CDKAL1: variants seen among roughly 807,000 people sequenced by gnomAD.
CDKAL1 encodes threonylcarbamoyladenosine tRNA methylthiotransferase.
CDKAL1 carries 32 observed loss-of-function variants against 68.2 expected under a neutral mutation model. The ratio of observed to expected loss-of-function variants is 0.47; its 90% CI spans 0.35 to 0.63. The LOEUF (loss-of-function observed/expected upper bound fraction) is 0.63. Ranked by LOEUF, CDKAL1 falls within the 30% of genes least tolerant of loss-of-function variation. The pLI, the probability that CDKAL1 is intolerant of heterozygous loss-of-function variation, is 0.00. For synonymous variants in CDKAL1, 234 were observed against 244.3 expected (o/e 0.96, Z 0.39); for missense variants, 606 against 696.7 (o/e 0.87, Z 1.47).
intron 6 of CDKAL1, among the ~76,000 whole-genome samples, chr6:20,741,651 T>C (rs1479422230): frequency 7.1e-6 from 1 of 141,782 alleles, no homozygotes; most frequent in Non-Finnish European, 1.7e-5. Context: ...GCTCTTGTTT[T>C]TGTTTTTTTA....
At chr6:20,774,068 AG>A (rs1775065632) in intron 7 of CDKAL1, among the ~76,000 whole-genome samples, 1 of 152,136 alleles carries the variant, frequency 6.6e-6, no homozygotes, top group African/African-American at 2.4e-5. Flanking sequence ...AAAACCAACA[AG>A]CCTTGGCATG....
At chr6:21,110,645 CA>C (rs1321327856) in intron 13 of CDKAL1, among the ~76,000 whole-genome samples, 1 of 152,100 alleles carries the variant, frequency 6.6e-6, no homozygotes, top group Non-Finnish European at 1.5e-5. Flanking sequence ...TTATGAAATA[CA>C]ACATCAGTTG....
intron 4 of CDKAL1, among the ~76,000 whole-genome samples, chr6:20,552,128 G>A (rs1386987688): frequency 6.6e-5 from 10 of 151,690 alleles, no homozygotes; most frequent in East Asian, 3.9e-4. Flanking sequence ...TGGGAGGGTC[G>A]CTTGAGCCCA....
chr6:20,982,541 G>A (rs887899358), intron 10 of CDKAL1, among the ~76,000 whole-genome samples: 6 of 151,270 alleles, frequency 4.0e-5, no homozygotes, highest in African/African-American at 4.9e-5. Context: ...GCACTGCAAA[G>A]CCTGCTCTTA....
At chr6:20,662,524 G>T (rs909898886) in intron 5 of CDKAL1, among the ~76,000 whole-genome samples, 1 of 152,086 alleles carries the variant, frequency 6.6e-6, no homozygotes, top group African/African-American at 2.4e-5. Flanking sequence ...TGGCACTTTT[G>T]TGGGTGTTAG....
chr6:20,755,864 G>T (rs898958574), intron 6 of CDKAL1, among the ~76,000 whole-genome samples: 5 of 152,134 alleles, frequency 3.3e-5, no homozygotes, highest in African/African-American at 1.2e-4. Context: ...GTCTCTTGTT[G>T]TCTGTAATAG....
intron 10 of CDKAL1, among the ~76,000 whole-genome samples, chr6:20,986,135 G>A (rs1198617178): frequency 6.6e-6 from 1 of 152,084 alleles, no homozygotes; most frequent in African/African-American, 2.4e-5. Context: ...TGATCCCCTT[G>A]AGTCTAAGTG....
At chr6:20,651,883 G>A (rs747620201) in intron 5 of CDKAL1, among the ~76,000 whole-genome samples, 6 of 152,278 alleles carry the variant, frequency 3.9e-5, no homozygotes, top group South Asian at 2.1e-4. Context: ...AACCAGCCTC[G>A]CATCCAGGGA....
chr6:21,195,521 A>ATTTG (rs2151102487), intron 13 of CDKAL1, among the ~76,000 whole-genome samples: 1 of 133,806 alleles, frequency 7.5e-6, no homozygotes, highest in African/African-American at 2.7e-5. Context: ...TTATTTATTT[A>ATTTG]TTTATTTGAG....
At chr6:21,026,475 C>T (rs1335242413) in intron 11 of CDKAL1, among the ~76,000 whole-genome samples, 1 of 152,148 alleles carries the variant, frequency 6.6e-6, no homozygotes, top group East Asian at 1.9e-4. Context: ...TAAAGAAACT[C>T]TGAGGTTCAC....
At position 21,052,109 on chromosome 6, in the gene CDKAL1, T is replaced by A. The variant is rs189109188; in HGVS notation, c.1056-12939T>A. On this transcript the variant is annotated intron_variant, in intron 11 of 15. Transcript: ENST00000274695. The stretch of plus-strand genomic sequence containing the variant: ...TAGAGCAGTTAATTTAAGAAATTTT[T>A]AATAAAACTATGAGAATAAATTTAG... 1.5e-4 allele frequency among the ~76,000 whole-genome samples: 23 copies of A among 152,354 alleles called. 1 individual carries two copies. Among genetic ancestry groups the A allele is most frequent in the African/African-American group, 5.5e-4 (23 of 41,582 alleles).
At chr6:20,601,913 G>T (rs1044859402) in intron 4 of CDKAL1, among the ~76,000 whole-genome samples, 3 of 151,994 alleles carry the variant, frequency 2.0e-5, no homozygotes, top group African/African-American at 7.3e-5. Context: ...GTTGTTATTG[G>T]CTTGCTAGAT....
At chr6:21,102,045 G>A (rs1191396011) in intron 12 of CDKAL1, among the ~76,000 whole-genome samples, 1 of 152,086 alleles carries the variant, frequency 6.6e-6, no homozygotes, top group African/African-American at 2.4e-5. Flanking sequence ...CCATTAGGAA[G>A]CTCTTTCTGA....
At chr6:21,076,060 T>C (rs570182930) in intron 12 of CDKAL1, among the ~76,000 whole-genome samples, 1 of 152,272 alleles carries the variant, frequency 6.6e-6, no homozygotes, top group East Asian at 1.9e-4. Flanking sequence ...AAAAGAATCA[T>C]AGTTCACTTA....
At chr6:20,744,043 C>T (rs1773566598) in intron 6 of CDKAL1, among the ~76,000 whole-genome samples, 2 of 152,004 alleles carry the variant, frequency 1.3e-5, no homozygotes, top group African/African-American at 4.8e-5. Flanking sequence ...AAACATTTTA[C>T]CTTACAGTTA....
At chr6:20,645,350 A>G (rs1768391753) in intron 4 of CDKAL1, among the ~76,000 whole-genome samples, 1 of 152,226 alleles carries the variant, frequency 6.6e-6, no homozygotes, top group Non-Finnish European at 1.5e-5. Flanking sequence ...AAACGTTTTC[A>G]CACTCTTGTA....
intron 10 of CDKAL1, among the ~76,000 whole-genome samples, chr6:20,974,978 C>CAAAAAAAAAAA (rs11330322): frequency 1.1e-4 from 7 of 62,914 alleles, no homozygotes; most frequent in Admixed American, 4.1e-4. Flanking sequence ...GACCCTATCT[C>CAAAAAAAAAAA]AAAAAAAAAA....
chr6:20,970,173 G>A (rs1561925140), intron 10 of CDKAL1, among the ~76,000 whole-genome samples: 3 of 152,048 alleles, frequency 2.0e-5, no homozygotes, highest in African/African-American at 4.8e-5. Context: ...CTGGGAATGG[G>A]GCTTTGAAGA....
chr6:21,002,223 T>G (rs940205518), intron 11 of CDKAL1, among the ~76,000 whole-genome samples: 5 of 152,200 alleles, frequency 3.3e-5, no homozygotes, highest in Admixed American at 1.3e-4. Context: ...GGTCCTTTCG[T>G]TGGATTCTGA....
Sources: gnomAD v4.1 joint callset for allele counts (sites outside exome capture counted in the v4.1 genomes callset) on GRCh38, gnomAD v4.1.1 for gene constraint, MANE v1.5 for transcripts, NCBI Gene and HGNC (gene_info 2026-07-23, HGNC 2026-07-21) for gene names.